The following KLHL32 variants were observed in gnomAD, a reference collection of about 807,000 sequenced individuals.
KLHL32 encodes kelch like family member 32.
Under a neutral mutation model 64.8 loss-of-function variants are expected in KLHL32, and 35 were observed. That is an observed-to-expected ratio of 0.54 (90% CI 0.41 to 0.72). KLHL32 has a LOEUF of 0.72. Ranked by LOEUF, KLHL32 falls within the 30% of genes least tolerant of loss-of-function variation. The pLI is 0.00. For synonymous variants in KLHL32, 259 were observed against 281.0 expected (o/e 0.92, Z 0.78); for missense variants, 589 against 768.5 (o/e 0.77, Z 2.76).
At chr6:96,944,364 T>C (rs1185742460) in intron 1 of KLHL32, among the ~76,000 whole-genome samples, 1 of 152,222 alleles carries the variant, frequency 6.6e-6, no homozygotes. Flanking sequence ...CTTCCTCTAG[T>C]TTAAACAGTT....
chr6:96,976,218 G>T (rs748591535), intron 3 of KLHL32, 41 bp downstream of exon 3: 6 of 1,483,412 alleles, frequency 4.0e-6, no homozygotes, highest in Admixed American at 2.0e-5. Context: ...TATTGATAAA[G>T]AGAGGATGAC....
At chr6:96,907,659 C>T in the KLHL32 span, among the ~76,000 whole-genome samples, 1 of 152,184 alleles carries the variant, frequency 6.6e-6, no homozygotes, top group Non-Finnish European at 1.5e-5. Context: ...GTTTGCTGCT[C>T]ATCAGAAGAG....
At chr6:97,126,678 A>G (rs1798908696) in intron 7 of KLHL32, among the ~76,000 whole-genome samples, 1 of 152,188 alleles carries the variant, frequency 6.6e-6, no homozygotes, top group Non-Finnish European at 1.5e-5. Context: ...CTGTACTGAG[A>G]TGCGTTGTGT....
chr6:96,926,720 A>G (rs1582353018), intron 1 of KLHL32, among the ~76,000 whole-genome samples: 1 of 152,156 alleles, frequency 6.6e-6, no homozygotes, highest in South Asian at 2.1e-4. Flanking sequence ...GAACTTGCAA[A>G]CCACTGTAAA....
intron 7 of KLHL32, among the ~76,000 whole-genome samples, chr6:97,120,011 T>C (rs1172781593): frequency 6.6e-6 from 1 of 152,036 alleles, no homozygotes; most frequent in Non-Finnish European, 1.5e-5. Context: ...GCACCGAGCA[T>C]ATATATTAAT....
chr6:97,130,999 C>A, intron 9 of KLHL32, 50 bp downstream of exon 9: 4 of 1,538,400 alleles, frequency 2.6e-6, no homozygotes, highest in Non-Finnish European at 3.6e-6. Context: ...CAAGAAGTCA[C>A]CAAACTTGTT....
At chr6:97,089,939 C>T (rs184446434) in intron 6 of KLHL32, among the ~76,000 whole-genome samples, 15 of 152,194 alleles carry the variant, frequency 9.9e-5, no homozygotes, top group African/African-American at 3.4e-4. Context: ...AAGGTAAGAC[C>T]TCAGCAGGGA....
In KLHL32 at chr6:96,974,804, AC is replaced by A. The variant is rs1278273863; in HGVS notation, c.24-1192del. ...CACCATGCAAACTAGGCTGGTGGCA[AC>A]TCTGGCTCCCCTGAGAAACTCTTTC... On this transcript the variant is annotated intron_variant, in intron 2 of 10. Transcript: ENST00000369261. Among the ~76,000 whole-genome samples the A allele has an allele frequency of 2.0e-5, 3 of 152,334 alleles. No homozygotes were observed. The East Asian group carries it at 5.8e-4, about 29-fold the overall frequency.
In KLHL32 at chr6:97,026,371, C is replaced by T. The variant is rs1433230158; in HGVS notation, c.205-15121C>T. On this transcript the variant is annotated intron_variant, in intron 3 of 10. Transcript: ENST00000369261. ...TGGGTGACAAAGTAAGACCCTGTCT[C>T]AAAAAAAAAAAAATTAACTCGAACA... Among the ~76,000 whole-genome samples, 3 of 138,992 alleles carry T rather than the reference C, an allele frequency of 2.2e-5. No individual in the cohort carries two copies. In the South Asian group the frequency reaches 6.9e-4, roughly 32 times the overall value. The allele number at this position is 138,992 out of a possible 152,430, so 91.2% of individuals were successfully genotyped here. A position where few individuals can be genotyped will look rare whatever the true frequency, so the allele number is the denominator to read the frequency against.
At chr6:97,041,250 T>C (rs546303358) in intron 3 of KLHL32, among the ~76,000 whole-genome samples, 17 of 152,324 alleles carry the variant, frequency 1.1e-4, no homozygotes, top group African/African-American at 3.4e-4. Context: ...AGACTGTGTA[T>C]TACATATAGA....
chr6:97,102,863 G>A (rs1204317071), intron 6 of KLHL32, among the ~76,000 whole-genome samples: 5 of 151,448 alleles, frequency 3.3e-5, no homozygotes, highest in African/African-American at 9.7e-5. Context: ...TTTAGGTTTG[G>A]GAGTACACGT....
chr6:97,036,635 T>A (rs1449001326), intron 3 of KLHL32, among the ~76,000 whole-genome samples: 1 of 152,158 alleles, frequency 6.6e-6, no homozygotes, highest in African/African-American at 2.4e-5. Flanking sequence ...CTGGGTCCAG[T>A]GCAAGTTGTG....
At chr6:97,027,367 C>T (rs1449766091) in intron 3 of KLHL32, among the ~76,000 whole-genome samples, 1 of 152,090 alleles carries the variant, frequency 6.6e-6, no homozygotes, top group East Asian at 1.9e-4. Flanking sequence ...GAAGCCATTA[C>T]CAATATCAGA....
intron 4 of KLHL32, among the ~76,000 whole-genome samples, chr6:97,064,241 ATTC>A (rs1554228812): frequency 5.9e-5 from 9 of 152,178 alleles, no homozygotes; most frequent in Non-Finnish European, 7.4e-5. Context: ...AAAGAGCAAA[ATTC>A]TGAAATATAC....
At chr6:96,955,438 G>T (rs1239186993) in intron 1 of KLHL32, among the ~76,000 whole-genome samples, 1 of 151,498 alleles carries the variant, frequency 6.6e-6, no homozygotes, top group Non-Finnish European at 1.5e-5. Flanking sequence ...TGATCTTGGG[G>T]GTTTATTGTT....
At chr6:97,074,563 G>A (rs552527983) in intron 5 of KLHL32, among the ~76,000 whole-genome samples, 3 of 150,602 alleles carry the variant, frequency 2.0e-5, no homozygotes, top group Admixed American at 6.6e-5. Flanking sequence ...ACTCTTATTC[G>A]TAATAATGAT....
At chr6:96,906,495 T>C in the KLHL32 span, among the ~76,000 whole-genome samples, 1 of 152,144 alleles carries the variant, frequency 6.6e-6, no homozygotes, top group Non-Finnish European at 1.5e-5. Context: ...GAGTGGAAAT[T>C]AGAGAGCCAT....
intron 7 of KLHL32, among the ~76,000 whole-genome samples, chr6:97,125,276 C>A (rs1798758698): frequency 6.6e-6 from 1 of 152,078 alleles, no homozygotes; most frequent in Non-Finnish European, 1.5e-5. Context: ...CTTTATGTAT[C>A]CATTAGTTTT....
At chr6:97,091,977 CTTTCTTT>C (rs1794308713) in intron 6 of KLHL32, among the ~76,000 whole-genome samples, 1 of 133,172 alleles carries the variant, frequency 7.5e-6, no homozygotes, top group Non-Finnish European at 1.6e-5. Flanking sequence ...AATTCTCTTT[CTTTCTTT>C]TTTTTTTTTT....
Sources: allele counts gnomAD v4.1 joint callset (sites outside exome capture counted in the v4.1 genomes callset), GRCh38; gene constraint gnomAD v4.1.1; transcripts MANE v1.5; gene names NCBI Gene and HGNC (gene_info 2026-07-23, HGNC 2026-07-21).